Variants in LMOD1 observed in about 807,000 individuals in gnomAD.
LMOD1 encodes the protein leiomodin 1, also known as leiomodin-1.
A neutral mutation model predicts 36.5 loss-of-function variants in LMOD1; 8 were observed. The ratio of observed to expected loss-of-function variants is 0.22; its 90% CI spans 0.13 to 0.40. LMOD1 has a LOEUF of 0.40. Among genes scored for constraint, LMOD1 ranks in the 10% least tolerant of loss-of-function variants. The probability of loss-of-function intolerance (pLI) is 1.00; values close to 1 mark genes in which losing one functional copy is unlikely to be tolerated. For missense variants in LMOD1, 630 were observed against 751.1 expected (o/e 0.84, Z 1.88); for synonymous variants, 284 against 288.7 (o/e 0.98, Z 0.17).
chr1:201,917,606 A>G (rs1336442060), intron 1 of LMOD1, among the ~76,000 whole-genome samples: 5 of 150,978 alleles, frequency 3.3e-5, no homozygotes, highest in African/African-American at 1.2e-4. Context: ...AGCAAACCCC[A>G]TTTTTGGAGA....
chr1:201,915,597 G>C (rs2102917055), intron 1 of LMOD1, among the ~76,000 whole-genome samples: 1 of 152,232 alleles, frequency 6.6e-6, no homozygotes, highest in East Asian at 1.9e-4. Context: ...GAGGCAACGT[G>C]GACCCCTCTG....
At chr1:201,924,379 GGGAA>G (rs1295447157) in intron 1 of LMOD1, among the ~76,000 whole-genome samples, 11 of 94,474 alleles carry the variant, frequency 1.2e-4, no homozygotes, top group Non-Finnish European at 1.3e-4. Flanking sequence ...GAGGGAGGGA[GGGAA>G]GGAAGGAAGG....
At chr1:201,933,533 A>C (rs540124047) in intron 1 of LMOD1, among the ~76,000 whole-genome samples, 965 of 93,988 alleles carry the variant, frequency 0.01, 9 homozygotes, top group African/African-American at 0.023. Flanking sequence ...CTCTCTCTCT[A>C]TATATATAAT....
In LMOD1 at chr1:201,901,519, TA is replaced by T. The variant is rs1558234576; in HGVS notation, c.262-769del. ...CTCTGTCTCAAAAAAAAAATATATA[TA>T]TATATATATGTATATATATATATAT... On this transcript the variant is annotated intron_variant, in intron 1 of 2. Coordinates refer to ENST00000367288, the MANE Select transcript of LMOD1 (RefSeq NM_012134.3). 5.5e-4 allele frequency among the ~76,000 whole-genome samples: 36 copies of T among 65,072 alleles called. 6 individuals are homozygous for T. The highest frequency in any genetic ancestry group is 2.6e-3 in the African/African-American group (35 of 13,356). The allele number at this position is 65,072 out of a possible 152,430, so 42.7% of individuals were successfully genotyped here.
At chr1:201,923,416 T>C (rs1681738827) in intron 1 of LMOD1, among the ~76,000 whole-genome samples, 1 of 152,154 alleles carries the variant, frequency 6.6e-6, no homozygotes, top group African/African-American at 2.4e-5. Flanking sequence ...TTGTTGCAAC[T>C]TGAGGTCAAA....
intron 1 of LMOD1, among the ~76,000 whole-genome samples, chr1:201,907,533 T>C (rs537273762): frequency 6.6e-6 from 1 of 152,358 alleles, no homozygotes; most frequent in Non-Finnish European, 1.5e-5. Context: ...AACTACATTG[T>C]GTGCTTTTCC....
chr1:201,945,001 A>G (rs988110664), intron 1 of LMOD1, among the ~76,000 whole-genome samples: 1 of 152,212 alleles, frequency 6.6e-6, no homozygotes, highest in African/African-American at 2.4e-5. Flanking sequence ...GTAAAACAAA[A>G]AGCAAGAATT....
chr1:201,914,430 C>A (rs959358366), intron 1 of LMOD1, among the ~76,000 whole-genome samples: 1 of 152,048 alleles, frequency 6.6e-6, no homozygotes. Context: ...TGGTACGGGG[C>A]GGTATTAAGG....
At chr1:201,939,150 T>C (rs2102931268) in intron 1 of LMOD1, among the ~76,000 whole-genome samples, 1 of 148,810 alleles carries the variant, frequency 6.7e-6, no homozygotes, top group South Asian at 2.2e-4. Flanking sequence ...TTTTTTTTTT[T>C]TTAATTTCGT....
At chr1:201,924,364 AGAGGGAGG>A (rs199710743) in intron 1 of LMOD1, among the ~76,000 whole-genome samples, 3,364 of 76,386 alleles carry the variant, frequency 0.044, 462 homozygotes, top group East Asian at 0.16. Flanking sequence ...AGGGAGGGAG[AGAGGGAGG>A]GAGGGAGGGA....
At chr1:201,939,416 C>A (rs1027740062) in intron 1 of LMOD1, among the ~76,000 whole-genome samples, 5 of 152,174 alleles carry the variant, frequency 3.3e-5, no homozygotes, top group Non-Finnish European at 7.4e-5. Flanking sequence ...AGTTAATGTT[C>A]TTTCTTCCTT....
At chr1:201,905,420 C>A (rs201581063) in intron 1 of LMOD1, among the ~76,000 whole-genome samples, 1 of 152,250 alleles carries the variant, frequency 6.6e-6, no homozygotes, top group Non-Finnish European at 1.5e-5. Flanking sequence ...TTCTCCCTTA[C>A]CTTGGCCCTT....
intron 1 of LMOD1, among the ~76,000 whole-genome samples, chr1:201,912,850 G>T (rs1681537802): frequency 6.6e-6 from 1 of 152,090 alleles, no homozygotes; most frequent in Non-Finnish European, 1.5e-5. Context: ...TGACAGTGTG[G>T]GTGACAGAGT....
At position 201,920,298 on chromosome 1, in the gene LMOD1, G is replaced by A. The variant is rs182172547; in HGVS notation, c.262-19547C>T. On this transcript the variant is annotated intron_variant, in intron 1 of 2. Transcript: ENST00000367288. ...TGGTCTTGAACTCCTGACCTCAGAC[G>A]ATCCGCCCGCCTCAGCCTCCCACCC... Among the ~76,000 whole-genome samples, 7 of 151,794 alleles carry A rather than the reference G, an allele frequency of 4.6e-5. 2 individuals carry two copies. Among genetic ancestry groups the A allele is most frequent in the African/African-American group, 1.4e-4 (6 of 41,394 alleles).
intron 1 of LMOD1, among the ~76,000 whole-genome samples, chr1:201,921,683 G>A (rs113556704): frequency 2.1e-4 from 32 of 151,820 alleles, no homozygotes; most frequent in Admixed American, 1.8e-3. Flanking sequence ...CATTATGGCC[G>A]GATGCAGTGG....
chr1:201,901,918 A>T (rs1681332856), intron 1 of LMOD1, among the ~76,000 whole-genome samples: 1 of 148,466 alleles, frequency 6.7e-6, no homozygotes, highest in African/African-American at 2.5e-5. Context: ...TTATTTTACC[A>T]ATTAAGGATA....
chr1:201,932,855 C>T (rs557335458), intron 1 of LMOD1, among the ~76,000 whole-genome samples: 2 of 152,174 alleles, frequency 1.3e-5, no homozygotes, highest in Non-Finnish European at 2.9e-5. Context: ...CTCATGGAGA[C>T]CTTCAAATTA....
chr1:201,946,015 C>A, intron 1 of LMOD1, 65 bp downstream of exon 1: 7 of 1,519,068 alleles, frequency 4.6e-6, no homozygotes, highest in Non-Finnish European at 5.4e-6. Context: ...GCATCCTAAT[C>A]ATGAAGCCAG....
intron 1 of LMOD1, among the ~76,000 whole-genome samples, chr1:201,904,474 T>G (rs1281681542): frequency 6.6e-6 from 1 of 152,188 alleles, no homozygotes; most frequent in Non-Finnish European, 1.5e-5. Context: ...CCTCCCAAAG[T>G]GCTGTGATTA....
Sources: gnomAD v4.1 joint callset for allele counts (sites outside exome capture counted in the v4.1 genomes callset) on GRCh38, gnomAD v4.1.1 for gene constraint, MANE v1.5 for transcripts, NCBI Gene and HGNC (gene_info 2026-07-23, HGNC 2026-07-21) for gene names.